The following CXCL13 variants were observed in gnomAD, a reference collection of about 807,000 sequenced individuals.
The protein encoded by CXCL13 is C-X-C motif chemokine 13.
In CXCL13, 7 loss-of-function variants were observed where a neutral mutation model predicts 12.2. The ratio of observed to expected loss-of-function variants is 0.57; its 90% CI spans 0.33 to 1.07. The LOEUF (loss-of-function observed/expected upper bound fraction) is 1.07, where lower values mean the gene tolerates loss of function less well. Ranked by LOEUF, CXCL13 falls within the 50% of genes least tolerant of loss-of-function variation. CXCL13 has a pLI of 0.04. For synonymous variants in CXCL13, 47 were observed against 42.4 expected (o/e 1.11, Z -0.42); for missense variants, 113 against 127.4 (o/e 0.89, Z 0.55).
chr4:77,582,759 A>T (rs1726369553), intron 1 of CXCL13, among the ~76,000 whole-genome samples: 1 of 152,180 alleles, frequency 6.6e-6, no homozygotes, highest in Non-Finnish European at 1.5e-5. Context: ...CAATATGAAG[A>T]ATTGGTGCAG....
chr4:77,555,650 A>G (rs1409053908), intron 1 of CXCL13, among the ~76,000 whole-genome samples: 3 of 152,126 alleles, frequency 2.0e-5, no homozygotes, highest in African/African-American at 7.2e-5. Flanking sequence ...TGAAAGAATA[A>G]TATTAAACAT....
At chr4:77,553,561 G>A (rs563417261) in intron 1 of CXCL13, among the ~76,000 whole-genome samples, 5 of 152,334 alleles carry the variant, frequency 3.3e-5, no homozygotes, top group East Asian at 1.9e-4. Context: ...CAGTGGAAAG[G>A]TGAGTCACAG....
intron 1 of CXCL13, among the ~76,000 whole-genome samples, chr4:77,563,764 T>A (rs571777216): frequency 6.6e-6 from 1 of 152,334 alleles, no homozygotes; most frequent in African/African-American, 2.4e-5. Context: ...CTCATAGGAA[T>A]TCTCCTCCTC....
chr4:77,524,118 C>A (rs1006576404), intron 1 of CXCL13, among the ~76,000 whole-genome samples: 2 of 152,136 alleles, frequency 1.3e-5, no homozygotes, highest in African/African-American at 2.4e-5. Flanking sequence ...CCCAGAGGGG[C>A]ACCTGCCTAT....
intron 1 of CXCL13, among the ~76,000 whole-genome samples, chr4:77,522,195 G>A (rs1452928112): frequency 2.6e-5 from 4 of 152,124 alleles, no homozygotes; most frequent in African/African-American, 7.2e-5. Context: ...TGTTGATTTG[G>A]GGTGGAGAGT....
chr4:77,604,571 A>G (rs969774675), upstream of CXCL13, among the ~76,000 whole-genome samples: 4 of 152,052 alleles, frequency 2.6e-5, no homozygotes, highest in African/African-American at 7.2e-5. Flanking sequence ...CTGCTAGGGA[A>G]GCAGCTTTCA....
chr4:77,513,046 G>A (rs920823828), intron 1 of CXCL13, among the ~76,000 whole-genome samples: 20 of 151,990 alleles, frequency 1.3e-4, no homozygotes, highest in African/African-American at 3.6e-4. Context: ...TTCTGTCCTC[G>A]TGATAGTTTG....
At chr4:77,520,089 C>A (rs1228830636) in intron 1 of CXCL13, among the ~76,000 whole-genome samples, 10 of 152,144 alleles carry the variant, frequency 6.6e-5, no homozygotes, top group East Asian at 1.9e-4. Flanking sequence ...TGTTTTGGTA[C>A]CAGTACCATG....
rs1727155291 is a variant in CXCL13 at position 77,611,523 on chromosome 4, C to G, written c.*484C>G. 1 of 395,940 alleles carries G rather than the reference C, an allele frequency of 2.5e-6. No individual in the cohort carries two copies. Among genetic ancestry groups the G allele is most frequent in the African/African-American group, 2.1e-5 (1 of 48,556 alleles). The allele number at this position is 395,940 out of a possible 1,614,324, so 24.5% of individuals were successfully genotyped here. On this transcript the variant is annotated 3_prime_UTR_variant, in exon 4 of 4. Coordinates refer to ENST00000682537, the MANE Select transcript of CXCL13 (RefSeq NM_001371558.1). ...GCAAAGGAATCCATGTAGTAGATAT[C>G]CTCTGCTTAAAAACTCACTACGGAG... is the stretch of plus-strand genomic sequence containing the variant.
chr4:77,522,321 G>T (rs554428705), intron 1 of CXCL13, among the ~76,000 whole-genome samples: 84 of 152,106 alleles, frequency 5.5e-4, no homozygotes, highest in African/African-American at 9.9e-4. Context: ...GGGAGTCTAA[G>T]TCTCTTTGTA....
chr4:77,523,763 C>A (rs1055171482), intron 1 of CXCL13, among the ~76,000 whole-genome samples: 2 of 152,160 alleles, frequency 1.3e-5, no homozygotes, highest in African/African-American at 2.4e-5. Context: ...CTGGCAAGGA[C>A]CTGCAAACCT....
At chr4:77,558,999 G>C (rs1300910737) in intron 1 of CXCL13, among the ~76,000 whole-genome samples, 4 of 152,168 alleles carry the variant, frequency 2.6e-5, no homozygotes, top group Non-Finnish European at 4.4e-5. Context: ...TCTCTAGTTA[G>C]TATTTTCCTC....
At chr4:77,559,500 A>G (rs1225846416) in intron 1 of CXCL13, among the ~76,000 whole-genome samples, 2 of 152,174 alleles carry the variant, frequency 1.3e-5, no homozygotes, top group Non-Finnish European at 2.9e-5. Context: ...CTGGGGCAAT[A>G]GCTTCTTCAT....
rs995129243 is a variant in CXCL13 at position 77,610,654 on chromosome 4, C to A, written c.238C>A (p.Gln80Lys). The part of the protein sequence containing the change: ...KNKSIVCVDP[Q>K]AEWIQRMMEV... ...CAAGTCAATTGTGTGTGTGGACCCT[C>A]AAGCTGAATGGATACAAAGAATGAT... Residue 80 changes from glutamine (Q) to lysine (K), a missense_variant, in exon 3 of 4, where the codon CAA becomes AAA. Gln to Lys is a moderately conservative substitution (Grantham distance 53). Coordinates refer to ENST00000682537, the MANE Select transcript of CXCL13 (RefSeq NM_001371558.1). 1.2e-6 allele frequency: 2 copies of A among 1,613,422 alleles called. No individual in the cohort carries two copies. Among genetic ancestry groups the A allele is most frequent in the African/African-American group, 2.7e-5 (2 of 74,896 alleles).
intron 1 of CXCL13, among the ~76,000 whole-genome samples, chr4:77,568,877 C>G (rs542175050): frequency 6.6e-6 from 1 of 152,220 alleles, no homozygotes; most frequent in South Asian, 2.1e-4. Context: ...TTTTCTGTAA[C>G]AGTATTTTCT....
upstream of CXCL13, among the ~76,000 whole-genome samples, chr4:77,601,915 C>T (rs901896239): frequency 6.6e-6 from 1 of 152,202 alleles, no homozygotes; most frequent in Non-Finnish European, 1.5e-5. Flanking sequence ...GAGCTCTCAC[C>T]TCCAAGGTTA....
chr4:77,607,960 AAACT>A (rs1369809596), intron 2 of CXCL13, 125 bp downstream of exon 2: 1 of 976,474 alleles, frequency 1.0e-6, no homozygotes, highest in African/African-American at 1.6e-5. Context: ...AAAAATTCTC[AAACT>A]AATAATGAAA....
At chr4:77,549,823 C>T (rs1354161470) in intron 1 of CXCL13, among the ~76,000 whole-genome samples, 2 of 152,362 alleles carry the variant, frequency 1.3e-5, no homozygotes, top group Admixed American at 1.3e-4. Flanking sequence ...GGCAGTCTGT[C>T]TGTTCTCAGA....
intron 1 of CXCL13, among the ~76,000 whole-genome samples, chr4:77,538,336 G>GTT (rs536536822): frequency 1.4e-5 from 2 of 144,498 alleles, no homozygotes; most frequent in African/African-American, 2.5e-5. Context: ...TTTTGGTTTG[G>GTT]TTTTTTTTTT....
Sources: allele counts gnomAD v4.1 joint callset (sites outside exome capture counted in the v4.1 genomes callset), GRCh38; gene constraint gnomAD v4.1.1; transcripts MANE v1.5; gene names NCBI Gene and HGNC (gene_info 2026-07-23, HGNC 2026-07-21).